DMD: variants seen among roughly 807,000 people sequenced by gnomAD.
DMD encodes dystrophin, also known as mutant dystrophin.
DMD carries 63 observed loss-of-function variants against 330.1 expected under a neutral mutation model. The observed-to-expected ratio is 0.19, with a 90% CI of 0.16 to 0.24. DMD has a LOEUF of 0.24. Among genes scored for constraint, DMD ranks in the 10% least tolerant of loss-of-function variants. The pLI is 1.00. For synonymous variants in DMD, 1,223 were observed against 959.8 expected, an observed-to-expected ratio of 1.27 and a Z score of -5.07; for missense variants, 3,344 against 2,684.1, an observed-to-expected ratio of 1.25 and a Z score of -5.43.
intron 62 of DMD, among the ~76,000 whole-genome samples, chrX:31,273,285 T>A (rs2147813840): frequency 8.9e-6 from 1 of 112,344 alleles, no homozygotes; most frequent in East Asian, 2.8e-4. Context: ...CTTTTTTAAT[T>A]GTTTTAGTCC....
intron 44 of DMD, among the ~76,000 whole-genome samples, chrX:32,097,190 G>A (rs918177445): frequency 9.9e-5 from 11 of 110,697 alleles, no homozygotes; most frequent in Admixed American, 6.7e-4. Context: ...CTATGAACCC[G>A]TCATTTAGGT....
At chrX:32,505,552 C>A (rs911140838) in intron 18 of DMD, among the ~76,000 whole-genome samples, 1 of 112,221 alleles carries the variant, frequency 8.9e-6, no homozygotes, top group African/African-American at 3.2e-5. Context: ...AACTCTCATT[C>A]ATTTCTGGTG....
At chrX:32,453,636 GTTAGA>G (rs2098342842) in intron 26 of DMD, among the ~76,000 whole-genome samples, 1 of 110,530 alleles carries the variant, frequency 9.0e-6, no homozygotes, top group Non-Finnish European at 1.9e-5. Flanking sequence ...TAGGCATTGT[GTTAGA>G]AATTTCATAT....
chrX:32,335,634 C>CATGTT (rs2097703852), intron 41 of DMD, among the ~76,000 whole-genome samples: 3 of 14,344 alleles, frequency 2.1e-4, no homozygotes, highest in Non-Finnish European at 4.4e-4. Context: ...ATATACATAA[C>CATGTT]ATATACATAA....
intron 43 of DMD, among the ~76,000 whole-genome samples, chrX:32,272,443 A>T (rs2088173866): frequency 8.9e-6 from 1 of 112,282 alleles, no homozygotes; most frequent in African/African-American, 3.2e-5. Context: ...TTTTTAAAGT[A>T]CTTTGGTCTT....
In DMD at chrX:31,845,973, T is replaced by C. The variant is rs1360332653; in HGVS notation, c.7099-9154A>G. Among the ~76,000 whole-genome samples, 8 of 111,213 alleles carry C rather than the reference T, an allele frequency of 7.2e-5. No homozygotes were observed. The Admixed American group carries it at 7.7e-4, about 11-fold the overall frequency. The stretch of plus-strand genomic sequence containing the variant: ...GACAATATTGTCCCAGTGATACTTG[T>C]AGAGTGACTGAAGAGGATAGAGCCA... On this transcript the variant is annotated intron_variant, in intron 48 of 78. Transcript: ENST00000357033.
intron 2 of DMD, among the ~76,000 whole-genome samples, chrX:32,992,577 A>C (rs1003317855): frequency 3.6e-5 from 4 of 111,750 alleles, no homozygotes; most frequent in African/African-American, 1.3e-4. Context: ...CAAAAGTAAA[A>C]TGTACACTGA....
At chrX:32,641,408 GTA>G (rs72324944) in intron 11 of DMD, 13,701 of 92,201 alleles carry the variant, frequency 0.15, 625 homozygotes, top group Admixed American at 0.21. Flanking sequence ...TATTTTATAC[GTA>G]TATATATATA....
intron 1 of DMD, among the ~76,000 whole-genome samples, chrX:33,068,555 T>C (rs1006389928): frequency 8.9e-6 from 1 of 112,550 alleles, no homozygotes; most frequent in Non-Finnish European, 1.9e-5. Context: ...TCACTGGATA[T>C]GGTAGCAAAA....
intron 44 of DMD, among the ~76,000 whole-genome samples, chrX:31,976,910 T>C (rs185448717): frequency 8.9e-6 from 1 of 111,817 alleles, no homozygotes; most frequent in East Asian, 2.8e-4. Context: ...AAATATTTAA[T>C]TTAGGGTAAC....
intron 28 of DMD, among the ~76,000 whole-genome samples, chrX:32,439,864 A>G (rs1355251565): frequency 2.7e-5 from 3 of 111,432 alleles, no homozygotes; most frequent in Non-Finnish European, 3.8e-5. Flanking sequence ...AGCACTCGCA[A>G]TTTTCCTCCT....
In DMD at chrX:33,047,345, TG is replaced by T. The variant is rs200306025; in HGVS notation, c.32-27146del. Among the ~76,000 whole-genome samples, 943 of 111,964 alleles carry T rather than the reference TG, an allele frequency of 8.4e-3. 12 individuals carry two copies. Among genetic ancestry groups the T allele is most frequent in the African/African-American group, 0.028 (877 of 30,862 alleles). Reference sequence around the variant, plus strand: ...GAAAATAAAAATGAATATATTCGATTGTATTTTCATTCTTCCCTCTGTTTGT... The same window carrying T: ...GAAAATAAAAATGAATATATTCGATTTATTTTCATTCTTCCCTCTGTTTGT... On this transcript the variant is annotated intron_variant, in intron 1 of 78. Coordinates refer to ENST00000357033, the MANE Select transcript of DMD (RefSeq NM_004006.3).
intron 4 of DMD, among the ~76,000 whole-genome samples, chrX:32,843,600 A>G (rs1285507182): frequency 8.9e-6 from 1 of 112,255 alleles, no homozygotes; most frequent in Admixed American, 9.5e-5. Flanking sequence ...GGGGGAGTAC[A>G]TGTTATTATT....
chrX:31,749,790 T>A (rs1436756838), intron 51 of DMD, among the ~76,000 whole-genome samples: 1 of 106,420 alleles, frequency 9.4e-6, no homozygotes, highest in Non-Finnish European at 1.9e-5. Flanking sequence ...TTTCTCCACA[T>A]CCTCTCCAGC....
chrX:33,199,906 T>C (rs1378425648), intron 1 of DMD, among the ~76,000 whole-genome samples: 1 of 111,545 alleles, frequency 9.0e-6, no homozygotes, highest in Non-Finnish European at 1.9e-5. Context: ...ATTTCATTAA[T>C]TGGTTCTAGA....
intron 7 of DMD, among the ~76,000 whole-genome samples, chrX:32,794,499 G>A (rs1433024687): frequency 9.0e-6 from 1 of 111,633 alleles, no homozygotes; most frequent in Non-Finnish European, 1.9e-5. Flanking sequence ...TGAGGCAAGA[G>A]AACGGCATGA....
chrX:31,278,167 T>C (rs1294098688), intron 62 of DMD, among the ~76,000 whole-genome samples: 1 of 111,387 alleles, frequency 9.0e-6, no homozygotes, highest in Non-Finnish European at 1.9e-5. Context: ...CAGGATGACA[T>C]ATAAAATTAA....
At chrX:31,147,798 T>C (rs1263110686) in intron 74 of DMD, among the ~76,000 whole-genome samples, 3 of 110,987 alleles carry the variant, frequency 2.7e-5, no homozygotes, top group African/African-American at 6.6e-5. Flanking sequence ...GCCTCGCGAC[T>C]GGTATGTTCA....
chrX:32,669,463 AGATC>A (rs1423972268), intron 9 of DMD, among the ~76,000 whole-genome samples: 3 of 111,968 alleles, frequency 2.7e-5, no homozygotes, highest in Non-Finnish European at 3.8e-5. Context: ...ACAGATAGAT[AGATC>A]GATCAACAAA....
Sources: gnomAD v4.1 joint callset for allele counts (sites outside exome capture counted in the v4.1 genomes callset) on GRCh38, gnomAD v4.1.1 for gene constraint, MANE v1.5 for transcripts, NCBI Gene and HGNC (gene_info 2026-07-23, HGNC 2026-07-21) for gene names.